Variants in CALB2 observed in about 807,000 individuals in gnomAD.
The protein encoded by CALB2 is calretinin.
A neutral mutation model predicts 45.9 loss-of-function variants in CALB2; 34 were observed. The observed-to-expected ratio is 0.74, with a 90% CI of 0.56 to 0.99. The LOEUF (loss-of-function observed/expected upper bound fraction) is 0.99. CALB2 is among the 50% of genes least tolerant of loss of function. The pLI, the probability that CALB2 is intolerant of heterozygous loss-of-function variation, is 0.00. For missense variants in CALB2, 344 were observed against 339.3 expected, an observed-to-expected ratio of 1.01 and a Z score of -0.11; for synonymous variants, 142 against 129.6, an observed-to-expected ratio of 1.10 and a Z score of -0.65.
intron 3 of CALB2, among the ~76,000 whole-genome samples, chr16:71,376,765 A>G (rs113683871): frequency 0.012 from 1,807 of 151,166 alleles, 37 homozygotes; most frequent in African/African-American, 0.041. Context: ...ACAACCACAT[A>G]TATCTACATG....
intron 1 of CALB2, among the ~76,000 whole-genome samples, chr16:71,368,808 C>T (rs113415051): frequency 3.3e-5 from 5 of 152,178 alleles, no homozygotes; most frequent in African/African-American, 9.7e-5. Flanking sequence ...ACGGCAAAAG[C>T]GCTTTGAAAA....
In CALB2 at chr16:71,384,525, C is replaced by G; in HGVS notation, c.573+147C>G. The G allele has an allele frequency of 4.4e-6, 3 of 687,954 alleles. No homozygotes were observed. In the South Asian group the frequency reaches 4.7e-5, roughly 11 times the overall value. The allele number at this position is 687,954 out of a possible 1,614,324, so 42.6% of individuals were successfully genotyped here. Reference sequence around the variant, plus strand: ...CAAAACACACCACACACACAACACACACAGATCACACACACAAAACACACA... The same window carrying G: ...CAAAACACACCACACACACAACACAGACAGATCACACACACAAAACACACA... On this transcript the variant is annotated intron_variant, in intron 8 of 10. Coordinates refer to ENST00000302628, the MANE Select transcript of CALB2 (RefSeq NM_001740.5).
At chr16:71,374,901 C>A in intron 3 of CALB2, 67 bp downstream of exon 3, 2 of 1,065,448 alleles carry the variant, frequency 1.9e-6, no homozygotes, top group Non-Finnish European at 2.9e-6. Context: ...CTCTCCCAGG[C>A]ATGAGCATCC....
At chr16:71,383,224 A>T in intron 5 of CALB2, 143 bp from the exon 6 acceptor site, 1 of 777,448 alleles carries the variant, frequency 1.3e-6, no homozygotes, top group South Asian at 1.5e-5. Context: ...GTTAGGAATT[A>T]TGAGGGCCCT....
chr16:71,383,285 C>A, intron 5 of CALB2, 82 bp from the exon 6 acceptor site: 1 of 1,208,198 alleles, frequency 8.3e-7, no homozygotes, highest in Non-Finnish European at 1.2e-6. Context: ...CATTGAGAGA[C>A]TGTCTGAATG....
chr16:71,388,591 C>G (rs1598179402), intron 10 of CALB2, among the ~76,000 whole-genome samples: 1 of 152,216 alleles, frequency 6.6e-6, no homozygotes, highest in South Asian at 2.1e-4. Context: ...ATGTTCATGG[C>G]TCACCTGTCT....
rs753499091 is a variant in CALB2, at chr16:71,382,707, C to T, written c.343-12C>T. 2 of 1,610,246 alleles carry T rather than the reference C, an allele frequency of 1.2e-6. No individual in the cohort carries two copies. The highest frequency in any genetic ancestry group is 1.7e-6 in the Non-Finnish European group (2 of 1,178,512). On this transcript the variant is annotated splice_polypyrimidine_tract_variant and intron_variant, in intron 4 of 10. Coordinates refer to ENST00000302628, the MANE Select transcript of CALB2 (RefSeq NM_001740.5). Reference sequence around the variant, plus strand: ...CGTCTTTGCAAAGAGGTTGACATTCCTGTTGTTGCAGGCTTGGCGGAAGTA... The same window carrying T: ...CGTCTTTGCAAAGAGGTTGACATTCTTGTTGTTGCAGGCTTGGCGGAAGTA...
chr16:71,383,924 G>GC (rs1567543468), intron 6 of CALB2, 46 bp from the exon 7 acceptor site: 2 of 1,608,220 alleles, frequency 1.2e-6, no homozygotes, highest in Non-Finnish European at 1.7e-6. Flanking sequence ...TGTCAGGTCA[G>GC]AGAAATTCAC....
At chr16:71,375,274 CAT>C (rs1386108006) in intron 3 of CALB2, among the ~76,000 whole-genome samples, 5 of 152,318 alleles carry the variant, frequency 3.3e-5, no homozygotes, top group South Asian at 2.1e-4. Context: ...TTGCATATAA[CAT>C]AATTTACACG....
intron 4 of CALB2, among the ~76,000 whole-genome samples, chr16:71,381,908 G>A (rs1249453308): frequency 1.3e-5 from 2 of 151,796 alleles, no homozygotes; most frequent in Admixed American, 6.6e-5. Flanking sequence ...CGAGGCACTT[G>A]GGAGGTTAAG....
intron 1 of CALB2, among the ~76,000 whole-genome samples, chr16:71,365,917 G>C (rs1459461497): frequency 2.0e-5 from 3 of 151,556 alleles, no homozygotes; most frequent in Admixed American, 2.0e-4. Flanking sequence ...ATGGGGCCAA[G>C]GCAACAATGT....
intron 2 of CALB2, among the ~76,000 whole-genome samples, chr16:71,373,648 G>A (rs554759550): frequency 6.6e-6 from 1 of 152,180 alleles, no homozygotes; most frequent in Admixed American, 6.5e-5. Flanking sequence ...TATTGGCCTT[G>A]GAAGCAAAAG....
chr16:71,377,393 C>T (rs2042428828), intron 3 of CALB2, among the ~76,000 whole-genome samples: 1 of 152,160 alleles, frequency 6.6e-6, no homozygotes, highest in South Asian at 2.1e-4. Flanking sequence ...GTTAAGTATT[C>T]TTTTGAGTCT....
chr16:71,377,620 T>G, intron 3 of CALB2, 47 bp from the exon 4 acceptor site: 1 of 1,378,908 alleles, frequency 7.3e-7, no homozygotes, highest in African/African-American at 1.4e-5. Flanking sequence ...CTCTGCTCCC[T>G]GTCAAGTCCC....
In CALB2 at chr16:71,384,022, C is replaced by T. The variant is rs1476880391; in HGVS notation, c.530C>T (p.Ser177Phe). ...GDGKLGLSEM[S>F]RLLPVQENFL... ...GGCAAATTGGGCCTCTCAGAGATGT[C>T]CCGGTAAGCACCTCACCCCCGGGGT... The change falls in exon 7 of 11, where the codon TCC becomes TTC. Residue 177 changes from serine (S) to phenylalanine (F), a missense_variant. By Grantham distance (155) the Ser-to-Phe change is radical (BLOSUM62 -2). This residue lies in a region of CALB2 where 263 missense variants were observed against 241.7 expected (regional missense o/e 1.09). Transcript: ENST00000302628. 2 of 1,613,728 alleles carry T rather than the reference C, an allele frequency of 1.2e-6. No homozygotes were observed. Among genetic ancestry groups the T allele is most frequent in the African/African-American group, 1.3e-5 (1 of 74,866 alleles).
chr16:71,358,726 G>T lies in CALB2; in HGVS notation c.-67G>T. 2 of 1,275,996 alleles carry T rather than the reference G, an allele frequency of 1.6e-6. No individual in the cohort carries two copies. Among genetic ancestry groups the T allele is most frequent in the South Asian group, 1.3e-5 (1 of 76,148 alleles). The allele number at this position is 1,275,996 out of a possible 1,614,324, so 79.0% of individuals were successfully genotyped here. On this transcript the variant is annotated 5_prime_UTR_variant, in exon 1 of 11. Coordinates refer to ENST00000302628, the MANE Select transcript of CALB2 (RefSeq NM_001740.5). ...GGGCAGCGTGGCGCACAACCCCAGC[G>T]CGAGTGCCAGAGCCCAGCCGGCGCG...
At chr16:71,367,542 G>A (rs1567535568) in intron 1 of CALB2, among the ~76,000 whole-genome samples, 1 of 152,172 alleles carries the variant, frequency 6.6e-6, no homozygotes, top group Non-Finnish European at 1.5e-5. Context: ...ATCGAGGGCT[G>A]GGTGTGGAGT....
intron 4 of CALB2, among the ~76,000 whole-genome samples, chr16:71,381,905 C>T (rs9941082): frequency 0.063 from 9,563 of 151,564 alleles, 1,000 homozygotes; most frequent in African/African-American, 0.22. Context: ...GTCCGAGGCA[C>T]TTGGGAGGTT....
chr16:71,384,190 CCCT>C (rs1005460415), intron 7 of CALB2, 146 bp from the exon 8 acceptor site: 28 of 1,000,134 alleles, frequency 2.8e-5, no homozygotes, highest in Admixed American at 2.1e-4. Context: ...TTGTCTGTCT[CCCT>C]CGTTTTTGAA....
Sources: allele counts gnomAD v4.1 joint callset (sites outside exome capture counted in the v4.1 genomes callset), GRCh38; gene constraint gnomAD v4.1.1; regional missense constraint gnomAD v4.1.1; transcripts MANE v1.5; gene names NCBI Gene and HGNC (gene_info 2026-07-23, HGNC 2026-07-21).